RGS6: variants seen among roughly 807,000 people sequenced by gnomAD.
RGS6 encodes regulator of G protein signaling 6, also known as regulator of G-protein signaling 6.
A neutral mutation model predicts 78.5 loss-of-function variants in RGS6; 30 were observed. The observed-to-expected ratio is 0.38, with a 90% confidence interval of 0.29 to 0.52. The LOEUF (loss-of-function observed/expected upper bound fraction) is 0.52. Among genes scored for constraint, RGS6 ranks in the 20% least tolerant of loss-of-function variants. RGS6 has a pLI of 0.85. For missense variants in RGS6, 495 were observed against 609.7 expected (o/e 0.81, Z 1.98); for synonymous variants, 206 against 206.0 (o/e 1.00, Z 0.00).
chr14:72,149,416 G>A (rs543603604), intron 2 of RGS6, among the ~76,000 whole-genome samples: 1 of 152,162 alleles, frequency 6.6e-6, no homozygotes, highest in Non-Finnish European at 1.5e-5. Context: ...GCGGGGCAGA[G>A]AAGAAATCAG....
intron 2 of RGS6, among the ~76,000 whole-genome samples, chr14:72,234,434 T>C (rs991091553): frequency 6.6e-6 from 1 of 152,070 alleles, no homozygotes; most frequent in Non-Finnish European, 1.5e-5. Context: ...AAAACAATTC[T>C]GTGAACCAGA....
At chr14:72,051,043 T>C (rs1413153258) in intron 2 of RGS6, among the ~76,000 whole-genome samples, 1 of 152,186 alleles carries the variant, frequency 6.6e-6, no homozygotes, top group African/African-American at 2.4e-5. Flanking sequence ...TGTACATCTT[T>C]TGAAACTGAA....
At chr14:72,420,000 G>A (rs555585607) in intron 3 of RGS6, among the ~76,000 whole-genome samples, 3 of 152,224 alleles carry the variant, frequency 2.0e-5, no homozygotes, top group South Asian at 2.1e-4. Context: ...CATGTGGGCC[G>A]AACATGGGGA....
intron 2 of RGS6, among the ~76,000 whole-genome samples, chr14:72,246,858 A>C (rs1384572132): frequency 6.6e-6 from 1 of 151,588 alleles, no homozygotes. Context: ...GTGAGCTGAG[A>C]TCATGCCACT....
At chr14:72,149,761 T>C (rs1236386793) in intron 2 of RGS6, among the ~76,000 whole-genome samples, 1 of 152,200 alleles carries the variant, frequency 6.6e-6, no homozygotes, top group East Asian at 1.9e-4. Context: ...GTGTCTAGTC[T>C]ACAGATTTGG....
chr14:72,052,079 A>G (rs1338580594), intron 2 of RGS6, among the ~76,000 whole-genome samples: 2 of 152,208 alleles, frequency 1.3e-5, no homozygotes, highest in East Asian at 1.9e-4. Flanking sequence ...GGACCGAGAA[A>G]GATAGGCTCT....
intron 2 of RGS6, among the ~76,000 whole-genome samples, chr14:72,130,046 C>T (rs2096281772): frequency 6.6e-6 from 1 of 152,190 alleles, no homozygotes; most frequent in Admixed American, 6.5e-5. Flanking sequence ...ACCCACACTT[C>T]TTCCTGGCTG....
At chr14:72,211,235 G>A (rs1018264453) in intron 2 of RGS6, among the ~76,000 whole-genome samples, 2 of 152,194 alleles carry the variant, frequency 1.3e-5, no homozygotes, top group Non-Finnish European at 2.9e-5. Context: ...TATCACAGAA[G>A]CCAAGGAAAG....
At chr14:72,157,889 A>G (rs1321453643) in intron 2 of RGS6, among the ~76,000 whole-genome samples, 1 of 152,020 alleles carries the variant, frequency 6.6e-6, no homozygotes, top group Non-Finnish European at 1.5e-5. Flanking sequence ...CATGTGCAGA[A>G]CGTGCAGGTT....
At chr14:72,220,710 T>G (rs752051584) in intron 2 of RGS6, among the ~76,000 whole-genome samples, 2 of 152,220 alleles carry the variant, frequency 1.3e-5, no homozygotes, top group Admixed American at 6.5e-5. Flanking sequence ...ATTGCCTCAA[T>G]GTAGTCTCAG....
At chr14:72,211,812 A>G (rs574614430) in intron 2 of RGS6, among the ~76,000 whole-genome samples, 4 of 152,320 alleles carry the variant, frequency 2.6e-5, no homozygotes, top group East Asian at 3.9e-4. Flanking sequence ...TATTTTCTCC[A>G]TGTTTGATTC....
intron 2 of RGS6, among the ~76,000 whole-genome samples, chr14:72,341,842 A>G (rs1245436835): frequency 6.6e-6 from 1 of 152,162 alleles, no homozygotes; most frequent in Non-Finnish European, 1.5e-5. Context: ...AAGGAAATGA[A>G]CCAGAAAGGA....
chr14:71,928,184 T>C (rs2087746641), upstream of RGS6, among the ~76,000 whole-genome samples: 1 of 152,330 alleles, frequency 6.6e-6, no homozygotes, highest in East Asian at 1.9e-4. Context: ...TGCTAAGTTT[T>C]AATAAGTACC....
intron 2 of RGS6, among the ~76,000 whole-genome samples, chr14:72,249,855 G>A (rs2055181778): frequency 6.6e-6 from 1 of 151,962 alleles, no homozygotes; most frequent in Admixed American, 6.6e-5. Context: ...GTCCAACAAT[G>A]ATAGACTGGA....
intron 3 of RGS6, among the ~76,000 whole-genome samples, chr14:72,428,436 C>T (rs1271912417): frequency 6.6e-6 from 1 of 151,934 alleles, no homozygotes; most frequent in East Asian, 1.9e-4. Context: ...TTCAGTTCGC[C>T]CAGGAGTGAT....
chr14:72,042,129 C>CTTTTTTT (rs202194668), intron 2 of RGS6, among the ~76,000 whole-genome samples: 34 of 134,494 alleles, frequency 2.5e-4, no homozygotes, highest in East Asian at 8.5e-4. Flanking sequence ...TTTTCTTTTT[C>CTTTTTTT]TTTTTTTTTT....
intron 3 of RGS6, among the ~76,000 whole-genome samples, chr14:72,435,707 T>A (rs2094873341): frequency 6.6e-6 from 1 of 151,992 alleles, no homozygotes; most frequent in African/African-American, 2.4e-5. Flanking sequence ...AGCCAGCAGC[T>A]CTCTGGCATG....
At chr14:72,488,828 A>G (rs1247531061) in intron 12 of RGS6, among the ~76,000 whole-genome samples, 2 of 152,138 alleles carry the variant, frequency 1.3e-5, no homozygotes, top group African/African-American at 4.8e-5. Flanking sequence ...GTTGGACCCC[A>G]CTTCCCAGGT....
intron 3 of RGS6, among the ~76,000 whole-genome samples, chr14:72,387,710 G>A (rs1381542761): frequency 6.6e-6 from 1 of 152,178 alleles, no homozygotes; most frequent in Admixed American, 6.5e-5. Flanking sequence ...AGTCTTCACA[G>A]TGGGAAGTAG....
Sources: gnomAD v4.1 joint callset for allele counts (sites outside exome capture counted in the v4.1 genomes callset) on GRCh38, gnomAD v4.1.1 for gene constraint, MANE v1.5 for transcripts, NCBI Gene and HGNC (gene_info 2026-07-23, HGNC 2026-07-21) for gene names.